The following DPYS variants were observed in gnomAD, a reference collection of about 807,000 sequenced individuals.
The protein encoded by DPYS is dihydropyrimidine amidohydrolase.
Under a neutral mutation model 50.3 loss-of-function variants are expected in DPYS, and 39 were observed. That is an observed-to-expected ratio of 0.78 (90% CI 0.60 to 1.01). The LOEUF (loss-of-function observed/expected upper bound fraction) is 1.01. Ranked by LOEUF, DPYS falls within the 50% of genes least tolerant of loss-of-function variation. DPYS has a pLI of 0.00. For missense variants in DPYS, 659 were observed against 680.9 expected, an observed-to-expected ratio of 0.97 and a Z score of 0.36; for synonymous variants, 245 against 250.7, an observed-to-expected ratio of 0.98 and a Z score of 0.22.
chr8:104,444,946 G>A (rs1813479196), intron 3 of DPYS, among the ~76,000 whole-genome samples: 1 of 152,092 alleles, frequency 6.6e-6, no homozygotes, highest in Non-Finnish European at 1.5e-5. Context: ...TTTAAAAATG[G>A]GCAAAAGATT....
intron 7 of DPYS, among the ~76,000 whole-genome samples, chr8:104,403,761 T>A (rs1811903948): frequency 6.6e-6 from 1 of 152,100 alleles, no homozygotes; most frequent in Admixed American, 6.5e-5. Context: ...GAGTGAGGTA[T>A]GTTAGTAAAA....
chr8:104,445,006 G>T (rs1311218711), intron 3 of DPYS, among the ~76,000 whole-genome samples: 2 of 152,188 alleles, frequency 1.3e-5, no homozygotes, highest in Non-Finnish European at 2.9e-5. Context: ...ACAGGCATAT[G>T]AAAAGGTGCT....
At chr8:104,380,482 G>C (rs1172579979) in intron 9 of DPYS, 1 of 152,736 alleles carries the variant, frequency 6.5e-6, no homozygotes, top group African/African-American at 2.4e-5. Context: ...TGATATTAGG[G>C]AGATGCTAAA....
At chr8:104,396,088 A>G (rs1811575621) in intron 7 of DPYS, among the ~76,000 whole-genome samples, 1 of 152,228 alleles carries the variant, frequency 6.6e-6, no homozygotes, top group African/African-American at 2.4e-5. Context: ...TACAAACTCA[A>G]AGAAAATAAA....
At chr8:104,401,205 C>T (rs1170320557) in intron 7 of DPYS, among the ~76,000 whole-genome samples, 1 of 152,086 alleles carries the variant, frequency 6.6e-6, no homozygotes, top group Non-Finnish European at 1.5e-5. Flanking sequence ...AAAAATATAC[C>T]TCATCTCTCT....
At chr8:104,409,012 C>T (rs1481336765) in intron 7 of DPYS, among the ~76,000 whole-genome samples, 1 of 151,506 alleles carries the variant, frequency 6.6e-6, no homozygotes, top group Admixed American at 6.6e-5. Context: ...CGAGGTTTCA[C>T]CATGTTGGCC....
chr8:104,385,802 C>G (rs1169689239), intron 8 of DPYS, among the ~76,000 whole-genome samples: 1 of 152,128 alleles, frequency 6.6e-6, no homozygotes, highest in Non-Finnish European at 1.5e-5. Context: ...CTCTCTTTGC[C>G]CTTCTGCCAT....
intron 1 of DPYS, among the ~76,000 whole-genome samples, chr8:104,457,321 T>C (rs1813960376): frequency 6.6e-6 from 1 of 152,146 alleles, no homozygotes; most frequent in Non-Finnish European, 1.5e-5. Flanking sequence ...AGGACTCACG[T>C]CCCAGTCCCA....
chr8:104,433,767 T>C (rs1813031806), intron 4 of DPYS, among the ~76,000 whole-genome samples: 1 of 152,162 alleles, frequency 6.6e-6, no homozygotes, highest in Non-Finnish European at 1.5e-5. Flanking sequence ...TGTATTCTTG[T>C]TCAACATTGC....
intron 7 of DPYS, among the ~76,000 whole-genome samples, chr8:104,396,776 A>C (rs1811602865): frequency 6.6e-6 from 1 of 151,912 alleles, no homozygotes; most frequent in South Asian, 2.1e-4. Flanking sequence ...GTGATCTTAA[A>C]ATGAGGTTGA....
chr8:104,444,418 G>A lies in DPYS; in HGVS notation c.623C>T (p.Ala208Val), dbSNP rs763550204. ...GCCCTCAGGGCCTGTTATCCCCAGA[G>A]CCAACATCTTCTTTGCTCCCTAAAA... ...LIAEGAKKML[A>V]LGITGPEGHE... Residue 208 changes from alanine to valine, a missense_variant, in exon 4 of 10, where the codon GCT becomes GTT. Ala to Val is a moderately conservative substitution (Grantham distance 64). Transcript: ENST00000351513. 1 of 1,614,216 alleles carries A rather than the reference G, an allele frequency of 6.2e-7. No homozygotes were observed. Among genetic ancestry groups the A allele is most frequent in the Non-Finnish European group, 8.5e-7 (1 of 1,180,052 alleles).
chr8:104,384,613 C>T (rs59590849), intron 8 of DPYS, among the ~76,000 whole-genome samples: 4,693 of 152,244 alleles, frequency 0.031, 232 homozygotes, highest in African/African-American at 0.1. Flanking sequence ...TGACACAGAC[C>T]CCAGCATATG....
intron 7 of DPYS, among the ~76,000 whole-genome samples, chr8:104,414,781 C>T (rs774956321): frequency 1.3e-5 from 2 of 152,116 alleles, no homozygotes; most frequent in South Asian, 2.1e-4. Flanking sequence ...CCTCCATAAC[C>T]GATGGCCATA....
chr8:104,418,843 A>C (rs1466139741), intron 7 of DPYS: 6 of 176,824 alleles, frequency 3.4e-5, no homozygotes, highest in Non-Finnish European at 5.5e-5. Flanking sequence ...TAGGCTGAGA[A>C]TATTTGACTT....
chr8:104,421,577 T>C (rs1039889787), intron 7 of DPYS: 5 of 151,594 alleles, frequency 3.3e-5, no homozygotes, highest in African/African-American at 9.7e-5. Flanking sequence ...GAGCTTGCAG[T>C]GAGCCGAGAT....
At chr8:104,391,072 C>T (rs1315564291) in intron 8 of DPYS, among the ~76,000 whole-genome samples, 1 of 152,096 alleles carries the variant, frequency 6.6e-6, no homozygotes, top group Non-Finnish European at 1.5e-5. Flanking sequence ...CATATAAATA[C>T]AGCATATAAA....
intron 6 of DPYS, 150 bp from the exon 7 acceptor site, chr8:104,424,539 C>T: frequency 1.2e-6 from 1 of 838,032 alleles, no homozygotes; most frequent in Non-Finnish European, 1.9e-6. Context: ...AAGTATTAAA[C>T]AGTCATAATG....
At chr8:104,413,291 C>G (rs1197260051) in intron 7 of DPYS, among the ~76,000 whole-genome samples, 1 of 151,440 alleles carries the variant, frequency 6.6e-6, no homozygotes, top group Non-Finnish European at 1.5e-5. Flanking sequence ...TAGTACAATT[C>G]ATATGAAGCT....
At chr8:104,387,461 C>T (rs1273270554) in intron 8 of DPYS, among the ~76,000 whole-genome samples, 1 of 152,068 alleles carries the variant, frequency 6.6e-6, no homozygotes, top group Non-Finnish European at 1.5e-5. Context: ...ACCCTCTGTG[C>T]AGAGGGGAGA....
Sources: gnomAD v4.1 joint callset for allele counts (sites outside exome capture counted in the v4.1 genomes callset) on GRCh38, gnomAD v4.1.1 for gene constraint, MANE v1.5 for transcripts, NCBI Gene and HGNC (gene_info 2026-07-23, HGNC 2026-07-21) for gene names.